BRCA2: variants seen among roughly 807,000 people sequenced by gnomAD.
BRCA2 encodes breast cancer type 2 susceptibility protein.
Under a neutral mutation model 276.7 loss-of-function variants are expected in BRCA2, and 203 were observed. That is an observed-to-expected ratio of 0.73 (90% CI 0.65 to 0.82). The LOEUF (loss-of-function observed/expected upper bound fraction) is 0.82, where lower values mean the gene tolerates loss of function less well. Ranked by LOEUF, BRCA2 falls within the 40% of genes least tolerant of loss-of-function variation. The pLI is 0.00. For missense variants in BRCA2, 3,920 were observed against 3,915.0 expected (o/e 1.00, Z -0.03); for synonymous variants, 1,289 against 1,338.4 (o/e 0.96, Z 0.81).
At chr13:32,367,084 G>A (rs541743418) in intron 18 of BRCA2, among the ~76,000 whole-genome samples, 2 of 152,230 alleles carry the variant, frequency 1.3e-5, no homozygotes, top group Non-Finnish European at 1.5e-5. Flanking sequence ...AAAGGACTTA[G>A]GAGTGTAATA....
In BRCA2 at chr13:32,339,414, C is replaced by G. The variant is rs1408726129; in HGVS notation, c.5059C>G (p.Leu1687Val). ...RKTSVSQTSL[L>V]EAKKWLREGI... Reference sequence around the variant, plus strand: ...AACTTCTGTGAGTCAGACTTCATTACTTGAAGCAAAAAAATGGCTTAGAGA... The same window carrying G: ...AACTTCTGTGAGTCAGACTTCATTAGTTGAAGCAAAAAAATGGCTTAGAGA... The change falls in exon 11 of 27, where the codon CTT becomes GTT. Residue 1687 changes from leucine to valine, a missense_variant. By Grantham distance (32) the Leu-to-Val change is conservative. Coordinates refer to ENST00000380152, the MANE Select transcript of BRCA2 (RefSeq NM_000059.4). 6.3e-7 allele frequency: 1 copy of G among 1,593,526 alleles called. No individual in the cohort carries two copies. The highest frequency in any genetic ancestry group is 1.2e-5 in the South Asian group (1 of 86,816).
rs966360777 is a variant in BRCA2 at position 32,340,628 on chromosome 13, T to A, written c.6273T>A (p.Ser2091Arg). Residue 2091 changes from serine to arginine, a missense_variant, in exon 11 of 27, where the codon AGT becomes AGA. Physicochemically the swap from Ser to Arg is moderately radical, Grantham distance 110. Around this residue, in one of 2 missense-constraint regions of BRCA2, gnomAD observed 3,263 missense variants for 3,156.9 expected, o/e 1.03. Coordinates refer to ENST00000380152, the MANE Select transcript of BRCA2 (RefSeq NM_000059.4). ...TTGATTTAATCAGAACTGAGCATAGTCTTCACTATTCACCTACGTCTAGAC... is the reference window on the plus strand; with the variant it reads ...TTGATTTAATCAGAACTGAGCATAGACTTCACTATTCACCTACGTCTAGAC... ...EEFDLIRTEH[S>R]LHYSPTSRQN... is the part of the protein sequence containing the mutation. 6.2e-7 allele frequency: 1 copy of A among 1,606,740 alleles called. No homozygotes were observed. The highest frequency in any genetic ancestry group is 2.2e-5 in the East Asian group (1 of 44,780).
rs1555281919 is a variant in BRCA2, at chr13:32,332,958, G to A, written c.1480G>A (p.Val494Met). The change falls in exon 10 of 27, where the codon GTG (valine) becomes ATG (methionine). Residue 494 changes from valine to methionine, a missense_variant. Val to Met is a conservative substitution (Grantham distance 21). Around this residue, in one of 2 missense-constraint regions of BRCA2, gnomAD observed 3,263 missense variants for 3,156.9 expected, o/e 1.03. Transcript: ENST00000380152. Reference protein sequence around the residue: ...VKQAISGTSPVASSFQGIKKS... With the variant: ...VKQAISGTSPMASSFQGIKKS... Reference sequence around the variant, plus strand: ...GCAGGCAATATCTGGAACTTCTCCAGTGGCTTCTTCATTTCAGGGTATCAA... The same window carrying A: ...GCAGGCAATATCTGGAACTTCTCCAATGGCTTCTTCATTTCAGGGTATCAA... The A allele has an allele frequency of 7.5e-6, 12 of 1,602,586 alleles. No homozygotes were observed. Among genetic ancestry groups the A allele is most frequent in the Non-Finnish European group, 1.0e-5 (12 of 1,177,372 alleles).
intron 2 of BRCA2, among the ~76,000 whole-genome samples, chr13:32,318,043 A>G (rs748170653): frequency 5.3e-5 from 8 of 152,236 alleles, no homozygotes; most frequent in Non-Finnish European, 8.8e-5. Context: ...TTACTGCTTC[A>G]TTAGGACATT....
Position 32,380,128 on chromosome 13 carries a change from C to T in BRCA2, c.9239C>T (p.Ser3080Phe), listed in dbSNP as rs757824441. 1 of 1,612,634 alleles carries T rather than the reference C, an allele frequency of 6.2e-7. No individual in the cohort carries two copies. The highest frequency in any genetic ancestry group is 1.7e-5 in the Admixed American group (1 of 59,706). ...GTGGACCTAATAGGATTTGTCGTTT[C>T]TGTTGTGAAAAAAACAGGTAATGCA... ...SEVDLIGFVV[S>F]VVKKTGLAPF... is the part of the protein sequence containing the mutation. The change falls in exon 24 of 27, where the codon TCT becomes TTT. Residue 3080 changes from serine to phenylalanine, a missense_variant. Ser to Phe is a radical substitution (Grantham distance 155). Coordinates refer to ENST00000380152, the MANE Select transcript of BRCA2 (RefSeq NM_000059.4).
intron 24 of BRCA2, among the ~76,000 whole-genome samples, chr13:32,386,632 T>G (rs1044058688): frequency 6.6e-6 from 1 of 151,696 alleles, no homozygotes; most frequent in Non-Finnish European, 1.5e-5. Flanking sequence ...AATACTGGAC[T>G]TACACTAAAA....
intron 3 of BRCA2, among the ~76,000 whole-genome samples, chr13:32,322,196 G>A (rs2072310415): frequency 6.6e-6 from 1 of 152,162 alleles, no homozygotes; most frequent in East Asian, 1.9e-4. Flanking sequence ...TTTACTGTCT[G>A]TATAGTTTTG....
At chr13:32,370,838 TA>T in intron 19 of BRCA2, 117 bp from the exon 20 acceptor site, 1 of 1,310,802 alleles carries the variant, frequency 7.6e-7, no homozygotes, top group Non-Finnish European at 1.1e-6. Context: ...GGTGATCCAC[TA>T]ATCTCAGCCT....
intron 18 of BRCA2, among the ~76,000 whole-genome samples, chr13:32,368,790 G>GT (rs1464222753): frequency 3.6e-5 from 4 of 112,552 alleles, no homozygotes; most frequent in African/African-American, 1.4e-4. Flanking sequence ...TTTGTTTTTT[G>GT]TTTTTTTGTT....
intron 16 of BRCA2, among the ~76,000 whole-genome samples, chr13:32,360,041 G>A (rs1210507363): frequency 6.6e-6 from 1 of 152,218 alleles, no homozygotes; most frequent in Non-Finnish European, 1.5e-5. Flanking sequence ...AGGTGGCAGA[G>A]AAAGTTGGGC....
chr13:32,385,732 G>C, intron 24 of BRCA2: 1 of 189,158 alleles, frequency 5.3e-6, no homozygotes, highest in Non-Finnish European at 1.1e-5. Context: ...TATAGAAGCA[G>C]GCAATCACAG....
chr13:32,318,141 G>C (rs980651817), intron 2 of BRCA2, among the ~76,000 whole-genome samples: 1 of 152,164 alleles, frequency 6.6e-6, no homozygotes, highest in African/African-American at 2.4e-5. Flanking sequence ...TATTAGTTTG[G>C]TGCCACTGCC....
At position 32,343,208 on chromosome 13, in the gene BRCA2, T is replaced by C. The variant is rs11571667; in HGVS notation, c.6842-1350T>C. ...AGGTATGTATTTGGTTTTGTTTTTTTGTGTGTGTTTTTTTCTATTAGTGTA... is the reference window on the plus strand; with the variant it reads ...AGGTATGTATTTGGTTTTGTTTTTTCGTGTGTGTTTTTTTCTATTAGTGTA... On this transcript the variant is annotated intron_variant, in intron 11 of 26. Transcript: ENST00000380152. Among the ~76,000 whole-genome samples, 668 of 152,318 alleles carry C rather than the reference T, an allele frequency of 4.4e-3. 28 individuals are homozygous for C. The highest frequency in any genetic ancestry group is 0.038 in the Admixed American group (587 of 15,292).
chr13:32,363,575 C>A (rs1363564903), intron 18 of BRCA2, 42 bp downstream of exon 18: 1 of 1,538,440 alleles, frequency 6.5e-7, no homozygotes, highest in South Asian at 1.1e-5. Flanking sequence ...GTCATTGATT[C>A]AGTTAAATTC....
intron 20 of BRCA2, among the ~76,000 whole-genome samples, chr13:32,373,773 C>T (rs1341392503): frequency 1.3e-5 from 2 of 152,216 alleles, no homozygotes; most frequent in Non-Finnish European, 2.9e-5. Flanking sequence ...GCCCTCTTCT[C>T]ACAGCTCCAC....
At position 32,338,736 on chromosome 13, in the gene BRCA2, T is replaced by G. The variant is rs1060502490; in HGVS notation, c.4381T>G (p.Ser1461Ala). 1.2e-6 allele frequency: 2 copies of G among 1,600,326 alleles called. No homozygotes were observed. Among genetic ancestry groups the G allele is most frequent in the African/African-American group, 2.7e-5 (2 of 74,636 alleles). ...GAAACCAGAAGAATTGCATAACTTT[T>G]CCTTAAATTCTGAATTACATTCTGA... ...DQKPEELHNF[S>A]LNSELHSDIR... is the part of the protein sequence containing the mutation. Residue 1461 changes from serine to alanine, a missense_variant, in exon 11 of 27, where the codon TCC becomes GCC. Coordinates refer to ENST00000380152, the MANE Select transcript of BRCA2 (RefSeq NM_000059.4).
chr13:32,358,276 G>A (rs1476397100), intron 16 of BRCA2, among the ~76,000 whole-genome samples: 6 of 151,658 alleles, frequency 4.0e-5, no homozygotes, highest in Non-Finnish European at 7.4e-5. Flanking sequence ...AGGAGTTCGA[G>A]ACCAGCCTGG....
intron 21 of BRCA2, among the ~76,000 whole-genome samples, chr13:32,377,408 G>A (rs1039967930): frequency 2.6e-5 from 4 of 152,058 alleles, no homozygotes; most frequent in Non-Finnish European, 2.9e-5. Context: ...CCTGGCCAAC[G>A]TGGTGAAACC....
At position 32,340,140 on chromosome 13, in the gene BRCA2, A is replaced by G. The variant is rs79538375; in HGVS notation, c.5785A>G (p.Ile1929Val). ...TTTTGCTGACATTCAGAGTGAAGAA[A>G]TTTTACAACATAACCAAAATATGTC... is the stretch of plus-strand genomic sequence containing the variant. Reference protein sequence around the residue: ...KVFADIQSEEILQHNQNMSGL... With the variant: ...KVFADIQSEEVLQHNQNMSGL... The change falls in exon 11 of 27, where the codon ATT becomes GTT. Residue 1929 changes from isoleucine (I) to valine (V), a missense_variant. This residue lies in a region of BRCA2 where 3,263 missense variants were observed against 3,156.9 expected (regional missense o/e 1.03). Coordinates refer to ENST00000380152, the MANE Select transcript of BRCA2 (RefSeq NM_000059.4). The G allele has an allele frequency of 3.8e-4, 610 of 1,613,236 alleles. 2 individuals are homozygous for G. In the East Asian group the frequency reaches 9.4e-3, roughly 25 times the overall value.
Sources: allele counts gnomAD v4.1 joint callset (sites outside exome capture counted in the v4.1 genomes callset), GRCh38; gene constraint gnomAD v4.1.1; regional missense constraint gnomAD v4.1.1; transcripts MANE v1.5; gene names NCBI Gene and HGNC (gene_info 2026-07-23, HGNC 2026-07-21).